Variants in CEP192 observed in about 807,000 individuals in gnomAD.
CEP192 encodes the protein centrosomal protein of 192 kDa.
In CEP192, 151 loss-of-function variants were observed where a neutral mutation model predicts 271.8. That is an observed-to-expected ratio of 0.56 (90% CI 0.49 to 0.64). CEP192 has a LOEUF of 0.64. CEP192 is among the 30% of genes least tolerant of loss of function. CEP192 has a pLI of 0.00. For missense variants in CEP192, 2,910 were observed against 3,020.5 expected, an observed-to-expected ratio of 0.96 and a Z score of 0.86; for synonymous variants, 995 against 1,076.5, an observed-to-expected ratio of 0.92 and a Z score of 1.48.
At position 13,072,790 on chromosome 18, in the gene CEP192, C is replaced by A. The variant is rs913283512; in HGVS notation, c.5384C>A (p.Ser1795Tyr). 3.7e-6 allele frequency: 6 copies of A among 1,612,232 alleles called. No individual in the cohort carries two copies. The highest frequency in any genetic ancestry group is 4.2e-6 in the Non-Finnish European group (5 of 1,178,384). ...CTAGCTTTAAGAAATAATTCTGCAT[C>A]TACAACTCAACATTTACGACTGCTT... ...QKLALRNNSASTTQHLRLLIR... is the reference protein window; with the variant it reads ...QKLALRNNSAYTTQHLRLLIR... The change falls in exon 29 of 45, where the codon TCT (serine) becomes TAT (tyrosine). Residue 1795 changes from serine to tyrosine, a missense_variant. Transcript: ENST00000506447.
At chr18:13,038,713 A>G (rs2036041412) in intron 13 of CEP192, 134 bp downstream of exon 13, 1 of 691,926 alleles carries the variant, frequency 1.4e-6, no homozygotes, top group Non-Finnish European at 2.5e-6. Flanking sequence ...AGGTTTCATC[A>G]TCAGTCAGAC....
intron 36 of CEP192, among the ~76,000 whole-genome samples, chr18:13,096,966 C>T (rs1316279043): frequency 6.6e-6 from 1 of 152,170 alleles, no homozygotes; most frequent in South Asian, 2.1e-4. Context: ...CACATCTGCA[C>T]GTTCCTTTAT....
intron 39 of CEP192, among the ~76,000 whole-genome samples, chr18:13,104,713 G>A (rs1160595841): frequency 6.6e-6 from 1 of 152,204 alleles, no homozygotes; most frequent in African/African-American, 2.4e-5. Context: ...ATAGTTGTTT[G>A]ACATTATGAG....
At chr18:13,031,914 G>A (rs1226229519) in intron 11 of CEP192, among the ~76,000 whole-genome samples, 1 of 152,186 alleles carries the variant, frequency 6.6e-6, no homozygotes, top group African/African-American at 2.4e-5. Flanking sequence ...GGAATGAGAT[G>A]GTGAAGTGTG....
rs570793846 is a variant in CEP192 at position 13,096,090 on chromosome 18, A to G, written c.6434-94A>G. On this transcript the variant is annotated intron_variant, in intron 35 of 44. Transcript: ENST00000506447. The stretch of plus-strand genomic sequence containing the variant: ...GTTGAGAAAGCAGTAGCATACTTGT[A>G]TATCTATTTAGGGTTCTGGTTTATT... 370 of 1,257,382 alleles carry G rather than the reference A, an allele frequency of 2.9e-4. 1 individual carries two copies. The highest frequency in any genetic ancestry group is 4.0e-4 in the Non-Finnish European group (350 of 885,878). 77.9% of individuals were successfully genotyped at this position (1,257,382 alleles called of 1,614,324 possible).
Position 13,124,760 on chromosome 18 carries a change from GA to G in CEP192, c.7610del (p.Asn2537IlefsTer3). The G allele has an allele frequency of 6.2e-7, 1 of 1,603,192 alleles. No individual in the cohort carries two copies. The highest frequency in any genetic ancestry group is 8.5e-7 in the Non-Finnish European group (1 of 1,171,854). ...ATTCGACTAATTGGTGAAGCTCTTGGAAAAAATTAACTAGAATACATTTTTG... is the reference window on the plus strand; with the variant it reads ...ATTCGACTAATTGGTGAAGCTCTTGGAAAAATTAACTAGAATACATTTTTG... ...IAIRLIGEAL[G>X]KN On this transcript the variant is annotated frameshift_variant, in exon 45 of 45. Transcript: ENST00000506447. LOFTEE classifies it high-confidence loss of function.
chr18:13,116,567 T>G, intron 43 of CEP192, 64 bp downstream of exon 43: 1 of 1,423,406 alleles, frequency 7.0e-7, no homozygotes, highest in African/African-American at 1.5e-5. Context: ...ATAACAAACA[T>G]TTTCCTGATG....
intron 18 of CEP192, among the ~76,000 whole-genome samples, chr18:13,054,383 G>A (rs60685477): frequency 0.14 from 20,568 of 152,200 alleles, 1,549 homozygotes; most frequent in East Asian, 0.31. Flanking sequence ...TGAGCTAACT[G>A]TGACTGCTGT....
chr18:13,058,730 C>A, intron 20 of CEP192: 1 of 211,078 alleles, frequency 4.7e-6, no homozygotes. Context: ...TCTTCTTCCC[C>A]CCAGCCCCCA....
intron 3 of CEP192, among the ~76,000 whole-genome samples, chr18:13,007,810 G>A (rs1175302246): frequency 2.0e-5 from 3 of 152,164 alleles, no homozygotes; most frequent in African/African-American, 4.8e-5. Flanking sequence ...AATCCATCCT[G>A]GCCAAATTTG....
intron 17 of CEP192, among the ~76,000 whole-genome samples, chr18:13,052,474 C>A (rs7228684): frequency 0.3 from 45,424 of 152,016 alleles, 7,116 homozygotes; most frequent in Admixed American, 0.38. Flanking sequence ...AGTCAAGAGG[C>A]CTTTGATATG....
At chr18:13,013,839 C>T (rs1404508354) in intron 5 of CEP192, among the ~76,000 whole-genome samples, 1 of 152,166 alleles carries the variant, frequency 6.6e-6, no homozygotes, top group African/African-American at 2.4e-5. Flanking sequence ...AGGAGGTACA[C>T]CTTTTGTAAG....
chr18:13,051,630 G>A (rs920239354), intron 17 of CEP192, among the ~76,000 whole-genome samples: 5 of 152,040 alleles, frequency 3.3e-5, no homozygotes, highest in African/African-American at 9.7e-5. Context: ...TGCAAGCGCC[G>A]CCTCCCAGGT....
At position 13,105,036 on chromosome 18, in the gene CEP192, G is replaced by A; in HGVS notation, c.7004G>A (p.Cys2335Tyr). Residue 2335 changes from cysteine (C) to tyrosine (Y), a missense_variant, in exon 40 of 45, where the codon TGT becomes TAT. By Grantham distance (194) the Cys-to-Tyr change is radical. Coordinates refer to ENST00000506447, the MANE Select transcript of CEP192 (RefSeq NM_032142.4). ...AGAGCTACCTATGCAGCATTCAGAT[G>A]TTCTCCTATTTCTGGTCTGCTGGAA... ...VFRATYAAFR[C>Y]SPISGLLESH... is the part of the protein sequence containing the mutation. 1.2e-6 allele frequency: 2 copies of A among 1,614,142 alleles called. No homozygotes were observed. The highest frequency in any genetic ancestry group is 1.7e-6 in the Non-Finnish European group (2 of 1,179,956).
At chr18:13,070,082 AC>A in intron 27 of CEP192, among the ~76,000 whole-genome samples, 1 of 151,818 alleles carries the variant, frequency 6.6e-6, no homozygotes, top group African/African-American at 2.4e-5. Flanking sequence ...AGTCGCTTGA[AC>A]CCAGGAGGCG....
chr18:13,120,669 C>CT (rs1479413685), intron 44 of CEP192, among the ~76,000 whole-genome samples: 3 of 152,152 alleles, frequency 2.0e-5, no homozygotes, highest in African/African-American at 7.2e-5. Context: ...ATTTTATACT[C>CT]TATTAGTGGC....
At chr18:13,089,764 G>A (rs1196893594) in intron 33 of CEP192, among the ~76,000 whole-genome samples, 199 bp downstream of exon 33, 1 of 152,210 alleles carries the variant, frequency 6.6e-6, no homozygotes, top group Non-Finnish European at 1.5e-5. Flanking sequence ...ATGGAAAGAA[G>A]AGCGACATCT....
chr18:13,010,702 CG>C (rs2145890056), intron 4 of CEP192, among the ~76,000 whole-genome samples: 1 of 152,044 alleles, frequency 6.6e-6, no homozygotes, highest in Admixed American at 6.5e-5. Context: ...CAAAATTAGC[CG>C]GGCATGGTGG....
intron 15 of CEP192, among the ~76,000 whole-genome samples, chr18:13,046,260 G>T (rs77913047): frequency 3.9e-5 from 6 of 152,172 alleles, no homozygotes; most frequent in Middle Eastern, 3.4e-3. Flanking sequence ...ACTCACTACC[G>T]CAAGATAACA....
Sources: allele counts gnomAD v4.1 joint callset (sites outside exome capture counted in the v4.1 genomes callset), GRCh38; gene constraint gnomAD v4.1.1; transcripts MANE v1.5; gene names NCBI Gene and HGNC (gene_info 2026-07-23, HGNC 2026-07-21).